Variants in PLPPR1 observed in about 807,000 individuals in gnomAD.
The protein encoded by PLPPR1 is phospholipid phosphatase related 1.
PLPPR1 carries 10 observed loss-of-function variants against 33.1 expected under a neutral mutation model. That is an observed-to-expected ratio of 0.30 (90% CI 0.19 to 0.51). PLPPR1 has a LOEUF of 0.51. Among genes scored for constraint, PLPPR1 ranks in the 20% least tolerant of loss-of-function variants. PLPPR1 has a pLI of 0.97. For synonymous variants in PLPPR1, 151 were observed against 151.0 expected, an observed-to-expected ratio of 1.00 and a Z score of 0.00; for missense variants, 304 against 408.1, an observed-to-expected ratio of 0.74 and a Z score of 2.20.
chr9:101,192,113 T>C (rs1022624802), intron 2 of PLPPR1, among the ~76,000 whole-genome samples: 11 of 152,300 alleles, frequency 7.2e-5, no homozygotes, highest in Admixed American at 6.5e-4. Context: ...CTTTTGGACA[T>C]TGAATACCAT....
At chr9:101,197,400 C>T (rs1826417170) in intron 2 of PLPPR1, among the ~76,000 whole-genome samples, 2 of 152,172 alleles carry the variant, frequency 1.3e-5, no homozygotes, top group African/African-American at 4.8e-5. Context: ...ATATTTAAGG[C>T]AGACTTCCAT....
chr9:101,079,745 A>G (rs1336318087), intron 1 of PLPPR1, among the ~76,000 whole-genome samples: 1 of 151,936 alleles, frequency 6.6e-6, no homozygotes, highest in African/African-American at 2.4e-5. Context: ...ACACCTGGCT[A>G]ATTTTTGTAT....
intron 7 of PLPPR1, 118 bp downstream of exon 7, chr9:101,317,614 T>C: frequency 1.9e-6 from 2 of 1,035,254 alleles, no homozygotes; most frequent in Non-Finnish European, 2.7e-6. Flanking sequence ...ATTAATTTAT[T>C]GTAAAGGCCC....
At chr9:101,261,575 A>T (rs1827899646) in intron 2 of PLPPR1, among the ~76,000 whole-genome samples, 1 of 152,194 alleles carries the variant, frequency 6.6e-6, no homozygotes, top group Non-Finnish European at 1.5e-5. Flanking sequence ...TAAAAGATAT[A>T]GGTCTGTCAT....
chr9:101,246,087 T>G (rs371155854), intron 2 of PLPPR1, among the ~76,000 whole-genome samples: 30,502 of 104,316 alleles, frequency 0.29, 5,492 homozygotes, highest in African/African-American at 0.47. Context: ...TATATATATA[T>G]ATATATATAT....
chr9:101,133,386 G>T (rs555002790), intron 1 of PLPPR1, among the ~76,000 whole-genome samples: 12 of 152,124 alleles, frequency 7.9e-5, no homozygotes, highest in Non-Finnish European at 5.9e-5. Flanking sequence ...ACATGAGAAC[G>T]CAGGAAAGTG....
intron 3 of PLPPR1, among the ~76,000 whole-genome samples, chr9:101,272,228 A>G (rs775188937): frequency 2.0e-5 from 3 of 152,194 alleles, no homozygotes; most frequent in Admixed American, 1.3e-4. Context: ...AAAATTTTAA[A>G]CATGCCAAAA....
intron 1 of PLPPR1, among the ~76,000 whole-genome samples, chr9:101,086,308 C>T (rs944896841): frequency 6.6e-6 from 1 of 152,138 alleles, no homozygotes; most frequent in Non-Finnish European, 1.5e-5. Context: ...CAAGATTAGG[C>T]AGGGGAAGAA....
At chr9:101,185,390 A>G in intron 1 of PLPPR1, 60 bp from the exon 2 acceptor site, 2 of 592,964 alleles carry the variant, frequency 3.4e-6, no homozygotes, top group South Asian at 5.7e-5. Context: ...TTTTTATGTA[A>G]GTACCTAAGG....
chr9:101,153,034 G>T (rs1047721427), intron 1 of PLPPR1, among the ~76,000 whole-genome samples: 1 of 152,168 alleles, frequency 6.6e-6, no homozygotes, highest in East Asian at 1.9e-4. Flanking sequence ...CCCACGAGCA[G>T]GGAATGTTCT....
intron 2 of PLPPR1, among the ~76,000 whole-genome samples, chr9:101,243,687 A>C (rs1827526257): frequency 6.6e-6 from 1 of 151,900 alleles, no homozygotes; most frequent in Non-Finnish European, 1.5e-5. Flanking sequence ...AGGAGATGTT[A>C]AGTGTGGATT....
chr9:101,224,301 A>G (rs2567317), intron 2 of PLPPR1, among the ~76,000 whole-genome samples: 109,580 of 152,104 alleles, frequency 0.72, 40,020 homozygotes, highest in East Asian at 0.99. Context: ...GGATGCCAGG[A>G]TCATATCCAA....
At chr9:101,214,573 A>G (rs1490357718) in intron 2 of PLPPR1, among the ~76,000 whole-genome samples, 1 of 152,256 alleles carries the variant, frequency 6.6e-6, no homozygotes, top group Non-Finnish European at 1.5e-5. Flanking sequence ...TAAATATTCT[A>G]AAGAACATTT....
chr9:101,159,099 G>A (rs1831739028), intron 1 of PLPPR1, among the ~76,000 whole-genome samples: 1 of 152,204 alleles, frequency 6.6e-6, no homozygotes, highest in East Asian at 1.9e-4. Context: ...ATATAATCCT[G>A]ATGATGCCTG....
chr9:101,319,247 G>A (rs2118970089), intron 7 of PLPPR1, among the ~76,000 whole-genome samples: 1 of 152,294 alleles, frequency 6.6e-6, no homozygotes. Flanking sequence ...CACAATCTCG[G>A]CTCACTGCAG....
chr9:101,253,678 C>T (rs898178547), intron 2 of PLPPR1, among the ~76,000 whole-genome samples: 4 of 152,124 alleles, frequency 2.6e-5, no homozygotes, highest in Non-Finnish European at 2.9e-5. Flanking sequence ...TCAAATGCCA[C>T]CTTTTATTCA....
chr9:101,031,151 T>C (rs947132379), intron 1 of PLPPR1, among the ~76,000 whole-genome samples: 2 of 152,208 alleles, frequency 1.3e-5, no homozygotes, highest in Non-Finnish European at 2.9e-5. Context: ...GCATATGTCC[T>C]TTTTATCCCA....
At chr9:101,238,503 G>A (rs972811972) in intron 2 of PLPPR1, among the ~76,000 whole-genome samples, 18 of 151,118 alleles carry the variant, frequency 1.2e-4, no homozygotes, top group Middle Eastern at 6.8e-3. Flanking sequence ...GGAATTGGAG[G>A]CCATTATCCT....
chr9:101,322,950 T>A (rs1829183161), intron 7 of PLPPR1, among the ~76,000 whole-genome samples: 1 of 152,148 alleles, frequency 6.6e-6, no homozygotes, highest in Admixed American at 6.5e-5. Context: ...GTAAGCCACA[T>A]TTTCTCTAGC....
Sources: allele counts gnomAD v4.1 joint callset (sites outside exome capture counted in the v4.1 genomes callset), GRCh38; gene constraint gnomAD v4.1.1; transcripts MANE v1.5; gene names NCBI Gene and HGNC (gene_info 2026-07-23, HGNC 2026-07-21).